PHKA1: variants seen among roughly 807,000 people sequenced by gnomAD.
PHKA1 encodes the protein phosphorylase kinase regulatory subunit alpha 1.
Under a neutral mutation model 110.2 loss-of-function variants are expected in PHKA1, and 60 were observed. That is an observed-to-expected ratio of 0.54 (90% CI 0.44 to 0.68). PHKA1 has a LOEUF of 0.68. Ranked by LOEUF, PHKA1 falls within the 30% of genes least tolerant of loss-of-function variation. PHKA1 has a pLI of 0.00. For missense variants in PHKA1, 801 were observed against 942.5 expected (o/e 0.85, Z 1.97); for synonymous variants, 316 against 333.6 (o/e 0.95, Z 0.58).
intron 8 of PHKA1, among the ~76,000 whole-genome samples, chrX:72,665,549 C>T (rs1227075441): frequency 9.0e-6 from 1 of 111,466 alleles, no homozygotes. Flanking sequence ...TACCCTGAAA[C>T]CAAAACTGAC....
At chrX:72,655,001 T>G (rs1178053622) in intron 10 of PHKA1, among the ~76,000 whole-genome samples, 2 of 109,621 alleles carry the variant, frequency 1.8e-5, no homozygotes, top group African/African-American at 6.6e-5. Context: ...GTTTCACCGT[T>G]TTAGCCGGGA....
At chrX:72,594,197 A>G (rs1556230925) in intron 28 of PHKA1, among the ~76,000 whole-genome samples, 1 of 110,254 alleles carries the variant, frequency 9.1e-6, no homozygotes, top group African/African-American at 3.3e-5. Flanking sequence ...TATATTAAAG[A>G]AAGGATAAAT....
At chrX:72,624,944 A>G (rs1377059939) in intron 17 of PHKA1, among the ~76,000 whole-genome samples, 7 of 112,146 alleles carry the variant, frequency 6.2e-5, no homozygotes, top group African/African-American at 2.3e-4. Flanking sequence ...AGGCTGGAGA[A>G]CTCTTCTAGA....
At chrX:72,682,338 G>T (rs1278229300) in intron 5 of PHKA1, among the ~76,000 whole-genome samples, 4 of 98,575 alleles carry the variant, frequency 4.1e-5, no homozygotes, top group Non-Finnish European at 4.2e-5. Context: ...GGAGGGAGGT[G>T]GGGGGGTCAG....
chrX:72,680,107 G>A (rs1447159800), intron 5 of PHKA1, among the ~76,000 whole-genome samples: 1 of 109,630 alleles, frequency 9.1e-6, no homozygotes, highest in Non-Finnish European at 1.9e-5. Context: ...CTCTACCTCC[G>A]GGGTTCAAGC....
rs782278481 is a variant in PHKA1, at chrX:72,652,649, G to A, written c.1140C>T (p.Val380=). The change falls in exon 12 of 32, where the codon GTC becomes GTT. Residue 380 remains valine, a splice_region_variant and synonymous_variant. Transcript: ENST00000373542. ...TGTGAGGATTCTGATATTCTTCATC[G>A]ACCTAAAAGAAAAGATGAAGAGGCC... ...PELYSVPPDR[V]DEEYQNPHTV... 5.4e-6 allele frequency: 6 copies of A among 1,109,067 alleles called. No individual in the cohort carries two copies. In the South Asian group the frequency reaches 9.3e-5, roughly 17 times the overall value. 91.4% of individuals were successfully genotyped at this position (1,109,067 alleles called of 1,213,427 possible).
At chrX:72,683,306 C>T (rs1556317704) in intron 5 of PHKA1, among the ~76,000 whole-genome samples, 1 of 111,299 alleles carries the variant, frequency 9.0e-6, no homozygotes, top group Non-Finnish European at 1.9e-5. Flanking sequence ...GATGTGGTGG[C>T]GTATACCTTT....
chrX:72,669,428 A>G (rs1015272095), intron 6 of PHKA1, among the ~76,000 whole-genome samples: 41 of 109,195 alleles, frequency 3.8e-4, no homozygotes, highest in Admixed American at 1.8e-3. Flanking sequence ...TGTGCACAAC[A>G]TGCAGGTTAG....
Position 72,619,272 on chromosome X carries a change from T to C in PHKA1, c.2171A>G (p.Gln724Arg), listed in dbSNP as rs139339661. 4 of 1,188,121 alleles carry C rather than the reference T, an allele frequency of 3.4e-6. No individual in the cohort carries two copies. The African/African-American group carries it at 7.0e-5, about 21-fold the overall frequency. The change falls in exon 20 of 32, where the codon CAG becomes CGG. Residue 724 changes from glutamine (Q) to arginine (R), a missense_variant. Gln to Arg is a conservative substitution (Grantham distance 43). Transcript: ENST00000373542. ...TAAGTTGAATGAAGGCCGGGAAGCCTGAAATAACTTCGTAGGAAGATACAT... is the reference window on the plus strand; with the variant it reads ...TAAGTTGAATGAAGGCCGGGAAGCCCGAAATAACTTCGTAGGAAGATACAT... ...VHMYLPTKLF[Q>R]ASRPSFNLLD...
At chrX:72,654,159 A>G (rs1342022877) in intron 10 of PHKA1, among the ~76,000 whole-genome samples, 1 of 112,128 alleles carries the variant, frequency 8.9e-6, no homozygotes, top group African/African-American at 3.2e-5. Flanking sequence ...GTATAACATG[A>G]ATTTCATGTT....
intron 3 of PHKA1, among the ~76,000 whole-genome samples, chrX:72,698,924 G>A (rs782353706): frequency 9.1e-4 from 102 of 111,520 alleles, no homozygotes; most frequent in Non-Finnish European, 1.7e-3. Context: ...TTTAAATCAC[G>A]ACTATCACAG....
chrX:72,606,807 A>G (rs1459582734), intron 23 of PHKA1, among the ~76,000 whole-genome samples: 3 of 111,203 alleles, frequency 2.7e-5, no homozygotes, highest in Admixed American at 1.9e-4. Flanking sequence ...ACAAGATCTT[A>G]TTCATTCTCT....
At chrX:72,622,208 A>G in intron 18 of PHKA1, 1 of 754,137 alleles carries the variant, frequency 1.3e-6, no homozygotes, top group East Asian at 1.5e-4. Context: ...GTCGGGCCCA[A>G]AAAAGAAAAT....
At chrX:72,613,985 A>T (rs782593529) in intron 21 of PHKA1, among the ~76,000 whole-genome samples, 2 of 112,080 alleles carry the variant, frequency 1.8e-5, no homozygotes, top group South Asian at 7.5e-4. Context: ...ATGGAGACTC[A>T]AGACACCTGA....
intron 14 of PHKA1, among the ~76,000 whole-genome samples, chrX:72,643,255 G>GCA (rs201968274): frequency 1.8e-5 from 2 of 109,722 alleles, no homozygotes; most frequent in Non-Finnish European, 3.8e-5. Flanking sequence ...ACACATACAC[G>GCA]CACACACACA....
At chrX:72,676,854 T>C (rs1556312079) in intron 5 of PHKA1, among the ~76,000 whole-genome samples, 1 of 112,718 alleles carries the variant, frequency 8.9e-6, no homozygotes, top group Non-Finnish European at 1.9e-5. Flanking sequence ...AGTTCCCATA[T>C]GCCTTTCACT....
intron 2 of PHKA1, among the ~76,000 whole-genome samples, chrX:72,707,532 A>C (rs902669219): frequency 9.0e-6 from 1 of 110,568 alleles, no homozygotes. Flanking sequence ...GGCAGAGGCC[A>C]GGTTCAGAAA....
chrX:72,658,495 T>C (rs1411707815), intron 8 of PHKA1, among the ~76,000 whole-genome samples: 2 of 109,661 alleles, frequency 1.8e-5, no homozygotes, highest in Non-Finnish European at 3.8e-5. Flanking sequence ...TACGATACTA[T>C]TAACCAAAGC....
At chrX:72,581,971 C>T (rs912946622) in intron 31 of PHKA1, among the ~76,000 whole-genome samples, 1 of 111,701 alleles carries the variant, frequency 9.0e-6, no homozygotes, top group East Asian at 2.8e-4. Flanking sequence ...TCTTATTTTC[C>T]TATAGGTGAA....
Sources: gnomAD v4.1 joint callset for allele counts (sites outside exome capture counted in the v4.1 genomes callset) on GRCh38, gnomAD v4.1.1 for gene constraint, MANE v1.5 for transcripts, NCBI Gene and HGNC (gene_info 2026-07-23, HGNC 2026-07-21) for gene names.